Variants in CNTNAP2 observed in about 807,000 individuals in gnomAD.
CNTNAP2 encodes the protein contactin associated protein 2.
CNTNAP2 carries 98 observed loss-of-function variants against 155.2 expected under a neutral mutation model. The observed-to-expected ratio is 0.63, with a 90% confidence interval of 0.54 to 0.75. The LOEUF (loss-of-function observed/expected upper bound fraction) is 0.75. CNTNAP2 is among the 30% of genes least tolerant of loss of function. CNTNAP2 has a pLI of 0.00. For missense variants in CNTNAP2, 1,727 were observed against 1,688.1 expected (o/e 1.02, Z -0.40); for synonymous variants, 651 against 631.2 (o/e 1.03, Z -0.47).
At chr7:147,989,417 GCT>G (rs1415206364) in intron 15 of CNTNAP2, among the ~76,000 whole-genome samples, 1 of 152,200 alleles carries the variant, frequency 6.6e-6, no homozygotes, top group Non-Finnish European at 1.5e-5. Flanking sequence ...CACTGAGTTT[GCT>G]CCAGTAAAGC....
At chr7:148,393,752 A>T (rs1472341199) in intron 22 of CNTNAP2, among the ~76,000 whole-genome samples, 2 of 152,136 alleles carry the variant, frequency 1.3e-5, no homozygotes, top group African/African-American at 4.8e-5. Context: ...TATTCTTTTA[A>T]ATGTGGCTGT....
intron 2 of CNTNAP2, among the ~76,000 whole-genome samples, chr7:146,811,742 T>C (rs780599667): frequency 4.6e-5 from 7 of 152,164 alleles, no homozygotes; most frequent in Non-Finnish European, 7.4e-5. Context: ...TCATGTGTTG[T>C]GGGAGGAAGC....
At chr7:147,888,564 C>CA (rs1330049129) in intron 13 of CNTNAP2, among the ~76,000 whole-genome samples, 3 of 151,126 alleles carry the variant, frequency 2.0e-5, no homozygotes, top group African/African-American at 2.4e-5. Context: ...TGACCAGAAC[C>CA]AAAAAAACAT....
intron 13 of CNTNAP2, among the ~76,000 whole-genome samples, chr7:147,736,445 GC>G (rs1160793073): frequency 1.3e-5 from 2 of 152,104 alleles, no homozygotes; most frequent in African/African-American, 4.8e-5. Flanking sequence ...CTCTCTGGCT[GC>G]CCTTAACATT....
chr7:146,672,178 C>T (rs143911793), intron 1 of CNTNAP2, among the ~76,000 whole-genome samples: 159 of 152,260 alleles, frequency 1.0e-3, no homozygotes, highest in Admixed American at 4.3e-3. Flanking sequence ...GATGCTCTCT[C>T]TCATCCTGGT....
chr7:146,635,089 T>A (rs1404766098), intron 1 of CNTNAP2, among the ~76,000 whole-genome samples: 1 of 151,434 alleles, frequency 6.6e-6, no homozygotes, highest in Non-Finnish European at 1.5e-5. Context: ...CAAGACCCTC[T>A]GAGGGCAAAG....
intron 3 of CNTNAP2, among the ~76,000 whole-genome samples, chr7:146,948,985 G>T (rs1797250725): frequency 1.3e-5 from 2 of 152,090 alleles, no homozygotes; most frequent in Non-Finnish European, 2.9e-5. Context: ...TAATACAATG[G>T]TTATAGCCAG....
At chr7:147,466,550 AT>A (rs1423881599) in intron 10 of CNTNAP2, among the ~76,000 whole-genome samples, 1 of 152,064 alleles carries the variant, frequency 6.6e-6, no homozygotes, top group African/African-American at 2.4e-5. Flanking sequence ...TACAGAGAAA[AT>A]CTTTTGCTTC....
chr7:146,302,063 T>A (rs1200672000), intron 1 of CNTNAP2, among the ~76,000 whole-genome samples: 2 of 152,162 alleles, frequency 1.3e-5, no homozygotes, highest in Non-Finnish European at 2.9e-5. Flanking sequence ...CCTGAGTAGT[T>A]TGTCAGTGGT....
intron 1 of CNTNAP2, among the ~76,000 whole-genome samples, chr7:146,732,494 T>G (rs1801543043): frequency 6.6e-6 from 1 of 152,172 alleles, no homozygotes; most frequent in African/African-American, 2.4e-5. Flanking sequence ...CTTCTTCATT[T>G]TTTTGTGTGT....
chr7:146,159,664 G>C (rs1798185285), intron 1 of CNTNAP2, among the ~76,000 whole-genome samples: 1 of 152,166 alleles, frequency 6.6e-6, no homozygotes, highest in African/African-American at 2.4e-5. Context: ...TAATGGTAAA[G>C]GGATCAATTC....
intron 1 of CNTNAP2, among the ~76,000 whole-genome samples, chr7:146,608,801 TG>T (rs1490216892): frequency 6.6e-6 from 1 of 152,172 alleles, no homozygotes; most frequent in Non-Finnish European, 1.5e-5. Flanking sequence ...TTTTGGGGGA[TG>T]ATCTCCCTTT....
chr7:146,801,726 G>A (rs983747926), intron 2 of CNTNAP2, among the ~76,000 whole-genome samples: 2 of 152,136 alleles, frequency 1.3e-5, no homozygotes, highest in African/African-American at 4.8e-5. Context: ...AAAGTGTGTT[G>A]TTAGGAGATT....
intron 7 of CNTNAP2, among the ~76,000 whole-genome samples, chr7:147,129,754 T>C (rs1801315056): frequency 6.6e-6 from 1 of 152,118 alleles, no homozygotes; most frequent in Non-Finnish European, 1.5e-5. Flanking sequence ...ATTTGACAAA[T>C]GGAAATCCCT....
intron 8 of CNTNAP2, among the ~76,000 whole-genome samples, chr7:147,169,121 G>T (rs969442982): frequency 5.3e-5 from 8 of 151,926 alleles, no homozygotes; most frequent in African/African-American, 1.9e-4. Context: ...TCTGTAAATT[G>T]GGCTCCAAAC....
intron 11 of CNTNAP2, among the ~76,000 whole-genome samples, chr7:147,531,635 T>G (rs1799432863): frequency 2.0e-5 from 3 of 152,082 alleles, no homozygotes; most frequent in Admixed American, 2.0e-4. Flanking sequence ...ATGAAACCAC[T>G]TTTTCCTCAT....
Position 146,806,241 on chromosome 7 carries a change from C to T in CNTNAP2, c.208+31860C>T, listed in dbSNP as rs1802964669. ...TTACAGTGGCTCATGCCTGTAATCC[C>T]AGCACTTTGGGCAGCTGAGGTGGGT... On this transcript the variant is annotated intron_variant, in intron 2 of 23. Transcript: ENST00000361727. Among the ~76,000 whole-genome samples, 3 of 152,038 alleles carry T rather than the reference C, an allele frequency of 2.0e-5. No individual in the cohort carries two copies. In the South Asian group the frequency reaches 6.2e-4, roughly 32 times the overall value.
At chr7:148,154,540 TTG>T (rs1243703113) in intron 17 of CNTNAP2, among the ~76,000 whole-genome samples, 2 of 152,136 alleles carry the variant, frequency 1.3e-5, no homozygotes, top group Non-Finnish European at 2.9e-5. Flanking sequence ...AAAATCGCAT[TTG>T]TGTGTGAAGG....
At chr7:147,694,470 G>T (rs1584904163) in intron 13 of CNTNAP2, among the ~76,000 whole-genome samples, 1 of 152,074 alleles carries the variant, frequency 6.6e-6, no homozygotes, top group East Asian at 1.9e-4. Flanking sequence ...GTTGATCTGG[G>T]CCTGCTGTTT....
Sources: allele counts gnomAD v4.1 joint callset (sites outside exome capture counted in the v4.1 genomes callset), GRCh38; gene constraint gnomAD v4.1.1; transcripts MANE v1.5; gene names NCBI Gene and HGNC (gene_info 2026-07-23, HGNC 2026-07-21).